Variants in AFG1L observed in about 807,000 individuals in gnomAD.
The protein encoded by AFG1L is AFG1-like ATPase.
AFG1L carries 53 observed loss-of-function variants against 62.2 expected under a neutral mutation model. The observed-to-expected ratio is 0.85, with a 90% CI of 0.68 to 1.07. The LOEUF is 1.07. Among genes scored for constraint, AFG1L ranks in the 50% least tolerant of loss-of-function variants. The pLI is 0.00. For synonymous variants in AFG1L, 228 were observed against 210.3 expected (o/e 1.08, Z -0.73); for missense variants, 555 against 590.5 (o/e 0.94, Z 0.62).
At chr6:108,323,043 A>T (rs1329999666) in intron 1 of AFG1L, among the ~76,000 whole-genome samples, 2 of 152,240 alleles carry the variant, frequency 1.3e-5, no homozygotes, top group African/African-American at 4.8e-5. Flanking sequence ...TCAGAAGCAG[A>T]GGGCTGAAAT....
intron 10 of AFG1L, among the ~76,000 whole-genome samples, chr6:108,483,992 CT>C (rs1293076498): frequency 6.6e-6 from 1 of 152,174 alleles, no homozygotes; most frequent in Non-Finnish European, 1.5e-5. Context: ...AGTGAAACCA[CT>C]GATTGGGAGC....
intron 2 of AFG1L, among the ~76,000 whole-genome samples, chr6:108,335,445 T>A (rs935260303): frequency 1.3e-5 from 2 of 152,172 alleles, no homozygotes; most frequent in African/African-American, 4.8e-5. Context: ...TGTAGGTGTC[T>A]CCATTGTGTG....
intron 3 of AFG1L, among the ~76,000 whole-genome samples, chr6:108,354,034 G>C (rs1215127534): frequency 6.6e-6 from 1 of 152,196 alleles, no homozygotes; most frequent in Non-Finnish European, 1.5e-5. Context: ...GACAGGAAGT[G>C]ATCTTGTGGT....
intron 7 of AFG1L, among the ~76,000 whole-genome samples, chr6:108,431,296 G>A (rs1037823426): frequency 3.3e-5 from 5 of 151,928 alleles, no homozygotes; most frequent in Non-Finnish European, 2.9e-5. Context: ...TAGAGACAGG[G>A]TTTCACCATG....
intron 2 of AFG1L, among the ~76,000 whole-genome samples, chr6:108,344,354 C>A (rs1391944700): frequency 1.3e-5 from 2 of 152,160 alleles, no homozygotes; most frequent in Non-Finnish European, 2.9e-5. Flanking sequence ...CTCAAGTGAT[C>A]TGCCTGCCTT....
At chr6:108,393,641 T>C (rs1226670565) in intron 6 of AFG1L, among the ~76,000 whole-genome samples, 1 of 152,146 alleles carries the variant, frequency 6.6e-6, no homozygotes, top group Non-Finnish European at 1.5e-5. Context: ...AACTAAAAGG[T>C]GCATACTTGT....
At chr6:108,406,391 A>G (rs1781858163) in intron 7 of AFG1L, among the ~76,000 whole-genome samples, 1 of 151,232 alleles carries the variant, frequency 6.6e-6, no homozygotes, top group African/African-American at 2.4e-5. Flanking sequence ...TGCATTTCCC[A>G]AATGATTAAT....
At chr6:108,395,884 C>T (rs1781276012) in intron 6 of AFG1L, among the ~76,000 whole-genome samples, 1 of 151,940 alleles carries the variant, frequency 6.6e-6, no homozygotes, top group East Asian at 1.9e-4. Flanking sequence ...AGGCTGGTCA[C>T]CCAGGCTGGA....
At chr6:108,344,181 C>T (rs555439848) in intron 2 of AFG1L, among the ~76,000 whole-genome samples, 36 of 151,490 alleles carry the variant, frequency 2.4e-4, no homozygotes, top group Non-Finnish European at 2.7e-4. Flanking sequence ...GGTGTGATCT[C>T]GGCTCACTGC....
chr6:108,472,949 C>T (rs778086122), intron 8 of AFG1L, among the ~76,000 whole-genome samples: 2 of 151,830 alleles, frequency 1.3e-5, no homozygotes, highest in East Asian at 1.9e-4. Context: ...ATCACAGGCA[C>T]GCACCACCAT....
chr6:108,372,196 TAAC>T (rs1181695912), intron 6 of AFG1L, among the ~76,000 whole-genome samples: 7 of 151,912 alleles, frequency 4.6e-5, no homozygotes, highest in Non-Finnish European at 2.9e-5. Context: ...ACTATAAAAT[TAAC>T]ATTTGGTTAT....
At chr6:108,512,216 C>A (rs1419025261) in intron 11 of AFG1L, among the ~76,000 whole-genome samples, 1 of 152,178 alleles carries the variant, frequency 6.6e-6, no homozygotes. Context: ...ACTCTATGCA[C>A]AGAATGAAAA....
chr6:108,431,250 C>A (rs1395356112), intron 7 of AFG1L, among the ~76,000 whole-genome samples: 1 of 151,914 alleles, frequency 6.6e-6, no homozygotes, highest in Non-Finnish European at 1.5e-5. Context: ...ATTAGAGGCA[C>A]CTGCCACCAC....
chr6:108,338,501 A>G (rs1428113274), intron 2 of AFG1L, among the ~76,000 whole-genome samples: 4 of 151,898 alleles, frequency 2.6e-5, no homozygotes, highest in Admixed American at 1.3e-4. Flanking sequence ...GTTGTTTTTT[A>G]TTTTTTATTT....
intron 11 of AFG1L, among the ~76,000 whole-genome samples, chr6:108,519,154 G>A (rs1666385488): frequency 6.6e-6 from 1 of 152,148 alleles, no homozygotes; most frequent in South Asian, 2.1e-4. Context: ...GCCACCAGAG[G>A]GCACAAATGT....
chr6:108,369,167 A>T (rs1414523783), intron 6 of AFG1L, among the ~76,000 whole-genome samples: 1 of 152,158 alleles, frequency 6.6e-6, no homozygotes, highest in Middle Eastern at 3.2e-3. Context: ...TAAGCATATC[A>T]GGAAGAGGTA....
intron 2 of AFG1L, among the ~76,000 whole-genome samples, chr6:108,331,183 G>T (rs900507466): frequency 6.6e-6 from 1 of 152,142 alleles, no homozygotes; most frequent in Non-Finnish European, 1.5e-5. Context: ...CTAATTGGGA[G>T]GCTGAGGTGG....
At chr6:108,410,569 T>G (rs1359316806) in intron 7 of AFG1L, among the ~76,000 whole-genome samples, 1 of 152,186 alleles carries the variant, frequency 6.6e-6, no homozygotes, top group African/African-American at 2.4e-5. Flanking sequence ...TATGATAATT[T>G]AGGATTTATA....
intron 1 of AFG1L, among the ~76,000 whole-genome samples, chr6:108,304,778 A>G (rs1319577864): frequency 6.6e-6 from 1 of 152,198 alleles, no homozygotes; most frequent in Non-Finnish European, 1.5e-5. Context: ...TCTCTTTGTG[A>G]AGAAGTGAAG....
Sources: allele counts gnomAD v4.1 joint callset (sites outside exome capture counted in the v4.1 genomes callset), GRCh38; gene constraint gnomAD v4.1.1; transcripts MANE v1.5; gene names NCBI Gene and HGNC (gene_info 2026-07-23, HGNC 2026-07-21).